RBFOX1: variants seen among roughly 807,000 people sequenced by gnomAD.
The protein encoded by RBFOX1 is RNA binding protein fox-1 homolog 1.
RBFOX1 carries 8 observed loss-of-function variants against 57.7 expected under a neutral mutation model. The observed-to-expected ratio is 0.14, with a 90% CI of 0.08 to 0.25. The LOEUF (loss-of-function observed/expected upper bound fraction) is 0.25. RBFOX1 is among the 10% of genes least tolerant of loss of function. The probability of loss-of-function intolerance (pLI) is 1.00; values close to 1 mark genes in which losing one functional copy is unlikely to be tolerated. For synonymous variants in RBFOX1, 326 were observed against 222.4 expected (o/e 1.47, Z -4.15); for missense variants, 611 against 548.5 (o/e 1.11, Z -1.14).
chr16:7,220,731 T>C (rs1048525487), intron 4 of RBFOX1, among the ~76,000 whole-genome samples: 2 of 149,574 alleles, frequency 1.3e-5, no homozygotes, highest in Non-Finnish European at 3.0e-5. Context: ...TCTTGGATCC[T>C]GGCTGAGTGT....
At chr16:7,113,421 A>G (rs2065212591) in intron 4 of RBFOX1, among the ~76,000 whole-genome samples, 1 of 152,106 alleles carries the variant, frequency 6.6e-6, no homozygotes, top group Non-Finnish European at 1.5e-5. Flanking sequence ...TTTCTCATCT[A>G]CTTGCCATGT....
chr16:7,136,693 G>A (rs77872138), intron 4 of RBFOX1, among the ~76,000 whole-genome samples: 2 of 151,876 alleles, frequency 1.3e-5, no homozygotes, highest in African/African-American at 2.4e-5. Context: ...TTGGGATTAC[G>A]GGTGTGAGTC....
At chr16:6,572,267 G>A (rs189555626) in intron 2 of RBFOX1, among the ~76,000 whole-genome samples, 11 of 152,134 alleles carry the variant, frequency 7.2e-5, no homozygotes, top group African/African-American at 2.6e-4. Flanking sequence ...AAATTCTATA[G>A]GACATAGAGA....
chr16:7,541,147 C>G (rs1199613326), intron 5 of RBFOX1, among the ~76,000 whole-genome samples: 1 of 152,180 alleles, frequency 6.6e-6, no homozygotes, highest in Non-Finnish European at 1.5e-5. Context: ...CCTTGAGCAG[C>G]AAGATAATTC....
intron 3 of RBFOX1, among the ~76,000 whole-genome samples, chr16:6,869,237 T>C (rs2060456423): frequency 6.6e-6 from 1 of 152,186 alleles, no homozygotes; most frequent in Non-Finnish European, 1.5e-5. Context: ...TGACCACCTA[T>C]ATGTGCAAAG....
chr16:6,699,535 G>A (rs1387086090), intron 3 of RBFOX1, among the ~76,000 whole-genome samples: 1 of 152,186 alleles, frequency 6.6e-6, no homozygotes, highest in Non-Finnish European at 1.5e-5. Flanking sequence ...ACGCTGACTG[G>A]TTGGGCACTC....
chr16:6,197,441 C>T (rs1192614155), intron 1 of RBFOX1, among the ~76,000 whole-genome samples: 1 of 152,076 alleles, frequency 6.6e-6, no homozygotes, highest in African/African-American at 2.4e-5. Context: ...TGTTGGGGAC[C>T]TGCAAGCCAA....
Position 6,223,144 on chromosome 16 carries a change from A to T in RBFOX1, c.-126-93851A>T, listed in dbSNP as rs571022608. 1.7e-3 allele frequency among the ~76,000 whole-genome samples: 249 copies of T among 150,790 alleles called. 1 individual carries two copies. Among genetic ancestry groups the T allele is most frequent in the Non-Finnish European group, 3.3e-3 (221 of 67,754 alleles). Reference sequence around the variant, plus strand: ...GTTCCAAGTCTTTGCTATTGTGGATAGTGCCACAATAAACATACGTGTGCA... The same window carrying T: ...GTTCCAAGTCTTTGCTATTGTGGATTGTGCCACAATAAACATACGTGTGCA... On this transcript the variant is annotated intron_variant, in intron 1 of 15. Transcript: ENST00000550418.
chr16:5,366,619 G>T, intron 1 of RBFOX1: 1 of 408,182 alleles, frequency 2.4e-6, no homozygotes, highest in Non-Finnish European at 4.7e-6. Context: ...CATCAATTAT[G>T]TGAAGAATTG....
chr16:6,792,062 T>C (rs1229901411), intron 3 of RBFOX1, among the ~76,000 whole-genome samples: 2 of 152,258 alleles, frequency 1.3e-5, no homozygotes, highest in East Asian at 3.9e-4. Flanking sequence ...TCACGAACTA[T>C]CACATATATT....
At chr16:6,776,241 C>G (rs111582253) in intron 3 of RBFOX1, among the ~76,000 whole-genome samples, 1,649 of 152,002 alleles carry the variant, frequency 0.011, 35 homozygotes, top group African/African-American at 0.038. Flanking sequence ...GAAACCCAGT[C>G]TCTACTAAAA....
At chr16:6,399,257 C>G (rs1056486659) in intron 2 of RBFOX1, among the ~76,000 whole-genome samples, 1 of 152,208 alleles carries the variant, frequency 6.6e-6, no homozygotes, top group East Asian at 1.9e-4. Flanking sequence ...GGCCTCTGGT[C>G]CTGTGATGGG....
chr16:6,138,524 A>G (rs1237286908), intron 1 of RBFOX1, among the ~76,000 whole-genome samples: 1 of 152,124 alleles, frequency 6.6e-6, no homozygotes, highest in African/African-American at 2.4e-5. Flanking sequence ...GGAAGGGGAG[A>G]GAGAACGACC....
At chr16:7,402,160 T>C (rs1327758357) in intron 4 of RBFOX1, among the ~76,000 whole-genome samples, 2 of 152,146 alleles carry the variant, frequency 1.3e-5, no homozygotes, top group African/African-American at 2.4e-5. Context: ...TATTGTGTTA[T>C]AAAACTCGAG....
chr16:7,645,003 T>G (rs1381145214), intron 11 of RBFOX1, among the ~76,000 whole-genome samples: 1 of 152,128 alleles, frequency 6.6e-6, no homozygotes, highest in African/African-American at 2.4e-5. Context: ...CATTTTAGCC[T>G]CTTACAATCT....
rs535014167 is a variant in RBFOX1, at chr16:5,332,838, C to T, written c.219+92733C>T. Reference sequence around the variant, plus strand: ...CTTTATATATAGAAATAAACCAGCCCTATTATTTTCTGTTCCCGAGTCACC... The same window carrying T: ...CTTTATATATAGAAATAAACCAGCCTTATTATTTTCTGTTCCCGAGTCACC... On this transcript the variant is annotated intron_variant, in intron 1 of 2. Coordinates refer to the RBFOX1 transcript ENST00000585867. Among the ~76,000 whole-genome samples the T allele has an allele frequency of 4.6e-5, 7 of 151,958 alleles. No homozygotes were observed. The South Asian group carries it at 1.5e-3, about 32-fold the overall frequency.
chr16:5,571,756 A>C (rs2046291883), intron 2 of RBFOX1, among the ~76,000 whole-genome samples: 1 of 152,192 alleles, frequency 6.6e-6, no homozygotes, highest in East Asian at 1.9e-4. Flanking sequence ...AATAAATACG[A>C]AGGGAGCTAG....
At chr16:6,936,621 A>C (rs2077406419) in intron 3 of RBFOX1, among the ~76,000 whole-genome samples, 1 of 152,072 alleles carries the variant, frequency 6.6e-6, no homozygotes, top group African/African-American at 2.4e-5. Flanking sequence ...TAAAATATTC[A>C]CAGAAGCACT....
chr16:7,187,493 T>C lies in RBFOX1; in HGVS notation c.27+135395T>C, dbSNP rs373700331. 2.8e-4 allele frequency among the ~76,000 whole-genome samples: 42 copies of C among 151,212 alleles called. No individual in the cohort carries two copies. In the East Asian group the frequency reaches 4.7e-3, roughly 17 times the overall value. On this transcript the variant is annotated intron_variant, in intron 4 of 15. Coordinates refer to ENST00000550418, the MANE Select transcript of RBFOX1 (RefSeq NM_018723.4). ...TCACGAGATCAGGAGATCGAGACCA[T>C]CCTGGCTAACACAGTGAAACCCCAT...
Sources: allele counts gnomAD v4.1 joint callset (sites outside exome capture counted in the v4.1 genomes callset), GRCh38; gene constraint gnomAD v4.1.1; transcripts MANE v1.5; gene names NCBI Gene and HGNC (gene_info 2026-07-23, HGNC 2026-07-21).